The following ADAM12 variants were observed in gnomAD, a reference collection of about 807,000 sequenced individuals.
ADAM12 encodes the protein ADAM metallopeptidase domain 12.
ADAM12 carries 70 observed loss-of-function variants against 106.4 expected under a neutral mutation model. The ratio of observed to expected loss-of-function variants is 0.66; its 90% CI spans 0.54 to 0.80. ADAM12 has a LOEUF of 0.80. ADAM12 is among the 30% of genes least tolerant of loss of function. The probability of loss-of-function intolerance (pLI) is 0.00; values close to 1 mark genes in which losing one functional copy is unlikely to be tolerated. For synonymous variants in ADAM12, 420 were observed against 433.5 expected (o/e 0.97, Z 0.39); for missense variants, 1,010 against 1,171.9 (o/e 0.86, Z 2.02).
chr10:126,252,675 G>A (rs12781977), intron 3 of ADAM12, among the ~76,000 whole-genome samples: 26,090 of 151,940 alleles, frequency 0.17, 2,271 homozygotes, highest in Admixed American at 0.2. Flanking sequence ...GGGTTACGGG[G>A]GATCTTTCTT....
At chr10:126,312,131 GAAAAAAAAAA>G (rs35783742) in intron 2 of ADAM12, among the ~76,000 whole-genome samples, 3 of 123,980 alleles carry the variant, frequency 2.4e-5, no homozygotes, top group Non-Finnish European at 4.9e-5. Context: ...GGTTGGTGTG[GAAAAAAAAAA>G]AAAAAAAAAA....
At chr10:126,210,243 G>A (rs750432530) in intron 3 of ADAM12, among the ~76,000 whole-genome samples, 2 of 152,218 alleles carry the variant, frequency 1.3e-5, no homozygotes, top group Non-Finnish European at 2.9e-5. Context: ...ACTAGCAGCA[G>A]CTCCTGTTGA....
At chr10:126,269,682 G>A (rs555644004) in intron 3 of ADAM12, among the ~76,000 whole-genome samples, 1 of 152,328 alleles carries the variant, frequency 6.6e-6, no homozygotes, top group African/African-American at 2.4e-5. Flanking sequence ...TTGGGGAAAG[G>A]AGCTTAAGGC....
chr10:126,160,497 A>C (rs772422764), intron 3 of ADAM12, among the ~76,000 whole-genome samples: 35 of 152,174 alleles, frequency 2.3e-4, no homozygotes, highest in Non-Finnish European at 5.1e-4. Context: ...TGAGAGATGG[A>C]GAGAAGCAAT....
intron 14 of ADAM12, among the ~76,000 whole-genome samples, chr10:126,059,702 G>C (rs1954710828): frequency 6.6e-6 from 1 of 152,170 alleles, no homozygotes; most frequent in Non-Finnish European, 1.5e-5. Context: ...ATTGCATTCT[G>C]GTGAGTGATA....
intron 1 of ADAM12, among the ~76,000 whole-genome samples, chr10:126,334,005 C>T (rs903469097): frequency 1.3e-5 from 2 of 152,180 alleles, no homozygotes; most frequent in Admixed American, 1.3e-4. Context: ...GGCTGCACAA[C>T]AGCCCCTCAG....
chr10:126,297,010 T>C (rs534059215), intron 2 of ADAM12, among the ~76,000 whole-genome samples: 2 of 152,272 alleles, frequency 1.3e-5, no homozygotes, highest in East Asian at 3.9e-4. Context: ...TGGTGAGATG[T>C]CAAGAAATGG....
At chr10:126,248,647 A>G (rs1958676941) in intron 3 of ADAM12, among the ~76,000 whole-genome samples, 1 of 117,460 alleles carries the variant, frequency 8.5e-6, no homozygotes, top group Admixed American at 9.1e-5. Flanking sequence ...GGAGCCTCAC[A>G]GGTATGTATG....
At chr10:126,029,866 G>T (rs1054394724) in intron 21 of ADAM12, among the ~76,000 whole-genome samples, 2 of 152,172 alleles carry the variant, frequency 1.3e-5, no homozygotes, top group South Asian at 2.1e-4. Context: ...AAAAACCTCC[G>T]AACACACTGT....
chr10:126,058,050 C>G (rs1450986037), intron 14 of ADAM12, among the ~76,000 whole-genome samples: 6 of 152,198 alleles, frequency 3.9e-5, no homozygotes, highest in African/African-American at 1.2e-4. Flanking sequence ...CCTTGGAACT[C>G]GATGCCTGAG....
At chr10:126,062,868 G>C (rs1002341471) in intron 14 of ADAM12, among the ~76,000 whole-genome samples, 36 of 152,220 alleles carry the variant, frequency 2.4e-4, no homozygotes, top group African/African-American at 8.4e-4. Flanking sequence ...GCTGGGACGG[G>C]GACGGCACTA....
intron 5 of ADAM12, among the ~76,000 whole-genome samples, chr10:126,127,946 A>C (rs1183254809): frequency 6.6e-6 from 1 of 152,194 alleles, no homozygotes; most frequent in African/African-American, 2.4e-5. Flanking sequence ...AGCCAAAAAA[A>C]CAGCATGGCG....
intron 3 of ADAM12, among the ~76,000 whole-genome samples, chr10:126,228,298 G>C (rs2133864533): frequency 6.6e-6 from 1 of 152,314 alleles, no homozygotes; most frequent in East Asian, 1.9e-4. Flanking sequence ...GATCCATAAA[G>C]TGCATCCTAA....
rs373978268 is a variant in ADAM12 at position 126,377,989 on chromosome 10, T to C, written c.88+10069A>G. Among the ~76,000 whole-genome samples, 9 of 152,142 alleles carry C rather than the reference T, an allele frequency of 5.9e-5. No homozygotes were observed. The East Asian group carries it at 7.7e-4, about 13-fold the overall frequency. On this transcript the variant is annotated intron_variant, in intron 1 of 22. Transcript: ENST00000448723. ...AGAGGAGGATTGTTTAAACTAAACTTAAAAAGAAACATGAGTAAATAAAGA... is the reference window on the plus strand; with the variant it reads ...AGAGGAGGATTGTTTAAACTAAACTCAAAAAGAAACATGAGTAAATAAAGA...
intron 2 of ADAM12, among the ~76,000 whole-genome samples, chr10:126,308,844 G>A (rs116042073): frequency 0.02 from 3,115 of 152,192 alleles, 123 homozygotes; most frequent in African/African-American, 0.071. Context: ...CTTTAATATC[G>A]TATCCATTGT....
In ADAM12 at chr10:126,017,257, G is replaced by GT; in HGVS notation, c.*21dup. On this transcript the variant is annotated 3_prime_UTR_variant, in exon 23 of 23. Coordinates refer to ENST00000448723, the MANE Select transcript of ADAM12 (RefSeq NM_001288973.2). ...GATAGTGCAAACTTCTGTCTTCACTGTTGAAAAAAGGTGTCGGCTTCTCAC... is the reference window on the plus strand; with the variant it reads ...GATAGTGCAAACTTCTGTCTTCACTGTTTGAAAAAAGGTGTCGGCTTCTCAC... 6.3e-7 allele frequency: 1 copy of GT among 1,577,200 alleles called. No individual in the cohort carries two copies.
chr10:126,131,225 C>CAGG (rs938153557), intron 5 of ADAM12, among the ~76,000 whole-genome samples: 1 of 150,736 alleles, frequency 6.6e-6, no homozygotes, highest in African/African-American at 2.4e-5. Context: ...CAACCTGGTC[C>CAGG]AGGATATAGG....
chr10:126,378,249 A>G (rs1477696109), intron 1 of ADAM12, among the ~76,000 whole-genome samples: 1 of 152,240 alleles, frequency 6.6e-6, no homozygotes, highest in Non-Finnish European at 1.5e-5. Flanking sequence ...AAAATACGTT[A>G]CAGTAAAAAA....
At chr10:126,265,985 TTC>T (rs1185616420) in intron 3 of ADAM12, among the ~76,000 whole-genome samples, 1 of 152,214 alleles carries the variant, frequency 6.6e-6, no homozygotes, top group Non-Finnish European at 1.5e-5. Context: ...ATAAAAATAA[TTC>T]TTTTTTTAGC....
Sources: allele counts gnomAD v4.1 joint callset (sites outside exome capture counted in the v4.1 genomes callset), GRCh38; gene constraint gnomAD v4.1.1; transcripts MANE v1.5; gene names NCBI Gene and HGNC (gene_info 2026-07-23, HGNC 2026-07-21).